The following SSC5D variants were observed in gnomAD, a reference collection of about 807,000 sequenced individuals.
SSC5D encodes scavenger receptor cysteine rich family member with 5 domains.
SSC5D carries 106 observed loss-of-function variants against 104.6 expected under a neutral mutation model. The observed-to-expected ratio is 1.01, with a 90% confidence interval of 0.87 to 1.19. The LOEUF is 1.19. Ranked by LOEUF, SSC5D falls within the 50% of genes most tolerant of loss-of-function variation. SSC5D has a pLI of 0.00. For missense variants in SSC5D, 1,993 were observed against 2,153.8 expected (o/e 0.93, Z 1.48); for synonymous variants, 860 against 883.5 (o/e 0.97, Z 0.47).
rs193230743 is a variant in SSC5D, at chr19:55,492,233, C to T, written c.895+1153C>T. ...AAGCTCCAGCCCCAGCCGCTGACCC[C>T]TCTGGGTCTGTATAGACCCACGCTC... On this transcript the variant is annotated intron_variant, in intron 6 of 13. Transcript: ENST00000389623. 8.0e-3 allele frequency: 1,217 copies of T among 152,458 alleles called. 14 individuals are homozygous for T. The highest frequency in any genetic ancestry group is 1.0e-2 in the Non-Finnish European group (680 of 68,162). The allele number at this position is 152,458 out of a possible 1,614,324, so 9.4% of individuals were successfully genotyped here. A position where few individuals can be genotyped will look rare whatever the true frequency, so the allele number is the denominator to read the frequency against.
At position 55,519,096 on chromosome 19, in the gene SSC5D, G is replaced by T. The variant is rs182139933; in HGVS notation, c.*98G>T. On this transcript the variant is annotated 3_prime_UTR_variant, in exon 14 of 14. Transcript: ENST00000389623. ...ATCTAATTAAAAACAAGGTGTGAAT[G>T]GTATTTTTGGGGAATCCTAGAAAGA... is the stretch of plus-strand genomic sequence containing the variant. 7.9e-7 allele frequency: 1 copy of T among 1,266,592 alleles called. No homozygotes were observed. Among genetic ancestry groups the T allele is most frequent in the Non-Finnish European group, 1.1e-6 (1 of 929,066 alleles). The allele number at this position is 1,266,592 out of a possible 1,614,324, so 78.5% of individuals were successfully genotyped here.
intron 6 of SSC5D, chr19:55,492,387 G>C (rs77904900): frequency 0.03 from 4,644 of 152,320 alleles, 137 homozygotes; most frequent in East Asian, 0.13. Flanking sequence ...TGTACAAGCT[G>C]TGGGGGAAGA....
At position 55,519,057 on chromosome 19, in the gene SSC5D, A is replaced by T; in HGVS notation, c.*59A>T. Reference sequence around the variant, plus strand: ...CCAACCAAAAAAAACAAAAACAAAAAAAACCCCCAAAGTATCTAATTAAAA... The same window carrying T: ...CCAACCAAAAAAAACAAAAACAAAATAAACCCCCAAAGTATCTAATTAAAA... On this transcript the variant is annotated 3_prime_UTR_variant, in exon 14 of 14. Transcript: ENST00000389623. 5.4e-6 allele frequency: 8 copies of T among 1,488,458 alleles called. No homozygotes were observed. Among genetic ancestry groups the T allele is most frequent in the Non-Finnish European group, 6.3e-6 (7 of 1,113,928 alleles). The allele number at this position is 1,488,458 out of a possible 1,614,324, so 92.2% of individuals were successfully genotyped here. A position where few individuals can be genotyped will look rare whatever the true frequency, so the allele number is the denominator to read the frequency against.
rs1212160913 is a variant in SSC5D at position 55,490,350 on chromosome 19, G to A, written c.528G>A (p.Arg176=). The change falls in exon 5 of 14, where the codon CGG becomes CGA. Residue 176 remains arginine, a synonymous_variant. Transcript: ENST00000389623. ...ACGCCTCCCGGAAGAAGAGCCCCCG[G>A]CCCAAGCAGGCCAAGTCCACCCGGG... ...PQNASRKKSP[R]PKQAKSTRAP... 1 of 1,521,944 alleles carries A rather than the reference G, an allele frequency of 6.6e-7. No homozygotes were observed. The allele number at this position is 1,521,944 out of a possible 1,614,324, so 94.3% of individuals were successfully genotyped here. A position where few individuals can be genotyped will look rare whatever the true frequency, so the allele number is the denominator to read the frequency against.
chr19:55,518,429 C>T lies in SSC5D; in HGVS notation c.4153C>T (p.Pro1385Ser). 6.4e-7 allele frequency: 1 copy of T among 1,551,384 alleles called. No homozygotes were observed. The highest frequency in any genetic ancestry group is 8.7e-7 in the Non-Finnish European group (1 of 1,146,974). The change falls in exon 14 of 14, where the codon CCC becomes TCC. Residue 1385 changes from proline (P) to serine (S), a missense_variant. Around this residue, in one of 6 missense-constraint regions of SSC5D, gnomAD observed 349 missense variants for 397.6 expected, o/e 0.88. Transcript: ENST00000389623. The part of the protein sequence containing the change: ...TSTSQIPTLE[P>S]SPALESSPSR... ...CACATCCCAGATACCCACCTTAGAG[C>T]CCTCTCCAGCCTTGGAGTCCAGCCC...
chr19:55,518,371 G>A lies in SSC5D; in HGVS notation c.4095G>A (p.Gln1365=). ...APTVKPSLHP[Q]LTFTAPAPHT... ...CAGTCAAGCCCAGTCTGCACCCCCAGTTGACCTTCACAGCACCTGCCCCTC... is the reference window on the plus strand; with the variant it reads ...CAGTCAAGCCCAGTCTGCACCCCCAATTGACCTTCACAGCACCTGCCCCTC... Residue 1365 remains glutamine (Q), a synonymous_variant, in exon 14 of 14, where the codon CAG becomes CAA. Transcript: ENST00000389623. The A allele has an allele frequency of 6.4e-7, 1 of 1,551,008 alleles. No homozygotes were observed. The highest frequency in any genetic ancestry group is 8.7e-7 in the Non-Finnish European group (1 of 1,146,854).
intron 13 of SSC5D, among the ~76,000 whole-genome samples, chr19:55,516,990 G>A (rs1394552836): frequency 6.6e-6 from 1 of 151,820 alleles, no homozygotes; most frequent in Non-Finnish European, 1.5e-5. Flanking sequence ...CGGCATCCCC[G>A]AGTCCGGAGC....
Position 55,500,722 on chromosome 19 carries a change from G to C in SSC5D, c.2535G>C (p.Glu845Asp). 1 of 1,551,684 alleles carries C rather than the reference G, an allele frequency of 6.4e-7. No homozygotes were observed. The highest frequency in any genetic ancestry group is 1.7e-4 in the Middle Eastern group (1 of 5,994). The part of the protein sequence containing the change: ...WLDDMGCKGS[E>D]ASLSDCPSGA... ...ATGACATGGGCTGTAAGGGAAGCGA[G>C]GCCTCACTGAGCGACTGCCCCTCGG... is the stretch of plus-strand genomic sequence containing the variant. Residue 845 changes from glutamate to aspartate, a missense_variant, in exon 11 of 14, where the codon GAG becomes GAC. Around this residue, in one of 6 missense-constraint regions of SSC5D, gnomAD observed 423 missense variants for 409.2 expected, o/e 1.03. Coordinates refer to ENST00000389623, the MANE Select transcript of SSC5D (RefSeq NM_001144950.2). This position sits in a 1 kb window ranked among gnomAD's most constrained non-coding sequence, Gnocchi z 4.6.
chr19:55,515,286 C>T (rs1261448066), intron 13 of SSC5D, among the ~76,000 whole-genome samples: 2 of 150,546 alleles, frequency 1.3e-5, no homozygotes, highest in Non-Finnish European at 2.9e-5. Flanking sequence ...ATCCCAGCTA[C>T]TCAGGAAGTG....
rs372155039 is a variant in SSC5D, at chr19:55,500,307, A to G, written c.2197A>G (p.Ile733Val). ...GACCTCTGAGTCCACTATCAAGAGT[A>G]TCCCTCAGGCCTCCCTGGAGCCATC... is the stretch of plus-strand genomic sequence containing the variant. Reference protein sequence around the residue: ...EMTSESTIKSIPQASLEPSAE... With the variant: ...EMTSESTIKSVPQASLEPSAE... The change falls in exon 10 of 14, where the codon ATC (isoleucine) becomes GTC (valine). Residue 733 changes from isoleucine (I) to valine (V), a missense_variant. Coordinates refer to ENST00000389623, the MANE Select transcript of SSC5D (RefSeq NM_001144950.2). The surrounding 1 kb of genome is among the most constrained non-coding windows in gnomAD (Gnocchi z 4.6). The G allele has an allele frequency of 4.5e-6, 7 of 1,551,340 alleles. No individual in the cohort carries two copies. Among genetic ancestry groups the G allele is most frequent in the Non-Finnish European group, 6.1e-6 (7 of 1,146,966 alleles).
rs1412198780 is a variant in SSC5D at position 55,497,951 on chromosome 19, C to A, written c.1459C>A (p.Arg487Ser). ...TCGACTGGAGGTGTGGCATGACCAG[C>A]GCTGGGGGACCGTGTGTGACGATAG... Reference protein sequence around the residue: ...SGRLEVWHDQRWGTVCDDSWD... With the variant: ...SGRLEVWHDQSWGTVCDDSWD... The change falls in exon 9 of 14, where the codon CGC (arginine) becomes AGC (serine). Residue 487 changes from arginine to serine, a missense_variant. Coordinates refer to ENST00000389623, the MANE Select transcript of SSC5D (RefSeq NM_001144950.2). 1 of 1,551,834 alleles carries A rather than the reference C, an allele frequency of 6.4e-7. No homozygotes were observed. The highest frequency in any genetic ancestry group is 8.7e-7 in the Non-Finnish European group (1 of 1,147,036).
At chr19:55,497,763 G>T in intron 8 of SSC5D, 117 bp from the exon 9 acceptor site, 1 of 1,005,150 alleles carries the variant, frequency 9.9e-7, no homozygotes, top group Non-Finnish European at 1.4e-6. Context: ...TGGATGAATG[G>T]AGGGAAGGCC....
chr19:55,518,897 G>A lies in SSC5D; in HGVS notation c.4621G>A (p.Ala1541Thr), dbSNP rs1210324264. 4 of 1,550,258 alleles carry A rather than the reference G, an allele frequency of 2.6e-6. No individual in the cohort carries two copies. The African/African-American group carries it at 5.5e-5, about 21-fold the overall frequency. Residue 1541 changes from alanine (A) to threonine (T), a missense_variant, in exon 14 of 14, where the codon GCT becomes ACT. By Grantham distance (58) the Ala-to-Thr change is moderately conservative. Coordinates refer to ENST00000389623, the MANE Select transcript of SSC5D (RefSeq NM_001144950.2). Reference protein sequence around the residue: ...AARGLGQLGEAVKRLAEMAWT... With the variant: ...AARGLGQLGETVKRLAEMAWT... The stretch of plus-strand genomic sequence containing the variant: ...CCGGGGTCTGGGGCAGCTGGGTGAG[G>A]CTGTGAAGAGACTGGCAGAGATGGC...
Position 55,499,959 on chromosome 19 carries a change from A to T in SSC5D, c.1849A>T (p.Thr617Ser), listed in dbSNP as rs1389266858. Reference sequence around the variant, plus strand: ...GACTGCCAGTGTTCTGGAGAAAACAACCACGAAGGCCCCAGGGAAAATGCC... The same window carrying T: ...GACTGCCAGTGTTCTGGAGAAAACATCCACGAAGGCCCCAGGGAAAATGCC... ...SVTASVLEKT[T>S]TKAPGKMPKS... The change falls in exon 10 of 14, where the codon ACC becomes TCC. Residue 617 changes from threonine to serine, a missense_variant. Transcript: ENST00000389623. The T allele has an allele frequency of 1.3e-6, 2 of 1,551,812 alleles. No individual in the cohort carries two copies. Among genetic ancestry groups the T allele is most frequent in the African/African-American group, 2.7e-5 (2 of 72,962 alleles).
At chr19:55,507,358 A>G (rs1320907768) in intron 12 of SSC5D, among the ~76,000 whole-genome samples, 1 of 149,180 alleles carries the variant, frequency 6.7e-6, no homozygotes, top group Admixed American at 6.7e-5. Context: ...AAAAAAAAAA[A>G]AAAAGGATGG....
At chr19:55,499,364 G>A (rs866048655) in intron 9 of SSC5D, among the ~76,000 whole-genome samples, 8 of 152,222 alleles carry the variant, frequency 5.3e-5, no homozygotes, top group Admixed American at 3.3e-4. Flanking sequence ...CTCTGTCCCC[G>A]TCTTCCTGAG....
Position 55,490,386 on chromosome 19 carries a change from G to A in SSC5D, c.564G>A (p.Leu188=). ...CCAAGTCCACCCGGGCCCCTCTGCTGACGACAGGAGCCCCCCGCCAAGGTA... is the reference window on the plus strand; with the variant it reads ...CCAAGTCCACCCGGGCCCCTCTGCTAACGACAGGAGCCCCCCGCCAAGGTA... ...KQAKSTRAPL[L]TTGAPRQERL... The change falls in exon 5 of 14, where the codon CTG becomes CTA. Residue 188 remains leucine (L), a synonymous_variant. Coordinates refer to ENST00000389623, the MANE Select transcript of SSC5D (RefSeq NM_001144950.2). The A allele has an allele frequency of 1.4e-6, 2 of 1,472,762 alleles. No homozygotes were observed. The highest frequency in any genetic ancestry group is 1.8e-6 in the Non-Finnish European group (2 of 1,088,954). 91.2% of individuals were successfully genotyped at this position (1,472,762 alleles called of 1,614,324 possible).
Position 55,518,842 on chromosome 19 carries a change from G to T in SSC5D, c.4566G>T (p.Leu1522=), listed in dbSNP as rs750554503. Residue 1522 remains leucine, a synonymous_variant, in exon 14 of 14, where the codon CTG becomes CTT. Coordinates refer to ENST00000389623, the MANE Select transcript of SSC5D (RefSeq NM_001144950.2). ...EQERQERQAL[L]LGLTQLVEAA... ...AGCGGCAGGAGCGCCAAGCCCTGCT[G>T]CTGGGGCTGACGCAGCTGGTAGAAG... 14 of 1,550,256 alleles carry T rather than the reference G, an allele frequency of 9.0e-6. No individual in the cohort carries two copies. The African/African-American group carries it at 1.9e-4, about 21-fold the overall frequency.
intron 12 of SSC5D, among the ~76,000 whole-genome samples, chr19:55,510,117 C>T (rs1361198182): frequency 6.6e-6 from 1 of 151,952 alleles, no homozygotes; most frequent in African/African-American, 2.4e-5. Context: ...CATGCCTCAG[C>T]CCCCCAGTTA....
Sources: allele counts gnomAD v4.1 joint callset (sites outside exome capture counted in the v4.1 genomes callset), GRCh38; gene constraint gnomAD v4.1.1; regional missense constraint gnomAD v4.1.1; non-coding constraint Gnocchi (gnomAD v3.1); transcripts MANE v1.5; gene names NCBI Gene and HGNC (gene_info 2026-07-23, HGNC 2026-07-21).